The following NRIP3 variants were observed in gnomAD, a reference collection of about 807,000 sequenced individuals.
The protein encoded by NRIP3 is nuclear receptor interacting protein 3, also known as nuclear receptor-interacting protein 3.
NRIP3 carries 31 observed loss-of-function variants against 29.0 expected under a neutral mutation model. The ratio of observed to expected loss-of-function variants is 1.07; its 90% CI spans 0.80 to 1.44. NRIP3 has a LOEUF of 1.44. NRIP3 is among the 40% of genes most tolerant of loss of function. NRIP3 has a pLI of 0.00. For missense variants in NRIP3, 314 were observed against 297.9 expected (o/e 1.05, Z -0.40); for synonymous variants, 131 against 118.3 (o/e 1.11, Z -0.70).
At chr11:8,989,930 C>A (rs999253757) in intron 1 of NRIP3, among the ~76,000 whole-genome samples, 1 of 152,160 alleles carries the variant, frequency 6.6e-6, no homozygotes, top group Non-Finnish European at 1.5e-5. Flanking sequence ...CTAAACAAAG[C>A]CCTCTTACCT....
intron 3 of NRIP3, among the ~76,000 whole-genome samples, chr11:8,986,889 G>A (rs911854729): frequency 6.6e-5 from 10 of 152,134 alleles, no homozygotes; most frequent in African/African-American, 1.7e-4. Context: ...GCATAGTGGC[G>A]CACACGTAGT....
At chr11:8,998,571 G>A (rs1854746502) in intron 1 of NRIP3, among the ~76,000 whole-genome samples, 1 of 152,142 alleles carries the variant, frequency 6.6e-6, no homozygotes, top group South Asian at 2.1e-4. Context: ...TGGTAAAGGT[G>A]TAAATAGATG....
rs11449384 is a variant in NRIP3 at position 8,981,466 on chromosome 11, T to TAA, written c.*2077_*2078dup. 0.052 allele frequency: 5,929 copies of TAA among 114,748 alleles called. 217 individuals are homozygous for TAA. Among genetic ancestry groups the TAA allele is most frequent in the Admixed American group, 0.094 (1,004 of 10,632 alleles). 7.1% of individuals were successfully genotyped at this position (114,748 alleles called of 1,614,324 possible). On this transcript the variant is annotated 3_prime_UTR_variant, in exon 7 of 7. Transcript: ENST00000309166. ...CTGGGCAACAGAGTGAGACTCTGTC[T>TAA]AAAAAAAAAAAAAAAAAAAGAATAA...
intron 3 of NRIP3, among the ~76,000 whole-genome samples, chr11:8,987,186 A>T (rs188896949): frequency 7.8e-4 from 119 of 152,294 alleles, no homozygotes; most frequent in Admixed American, 1.3e-3. Context: ...ACTTTTACTC[A>T]TCTGGATGGA....
In NRIP3 at chr11:8,981,912, G is replaced by A. The variant is rs1304951386; in HGVS notation, c.*1633C>T. 1 of 152,194 alleles carries A rather than the reference G, an allele frequency of 6.6e-6. No homozygotes were observed. The highest frequency in any genetic ancestry group is 1.9e-4 in the East Asian group (1 of 5,196). The allele number at this position is 152,194 out of a possible 1,614,324, so 9.4% of individuals were successfully genotyped here. A position where few individuals can be genotyped will look rare whatever the true frequency, so the allele number is the denominator to read the frequency against. ...ATAGTCACCAAGTTCCTAGGCTTTA[G>A]GGAGCTTCTGTGAGGCCCAAATCAT... On this transcript the variant is annotated 3_prime_UTR_variant, in exon 7 of 7. Coordinates refer to ENST00000309166, the MANE Select transcript of NRIP3 (RefSeq NM_020645.3).
chr11:9,000,425 G>A (rs1255903870), intron 1 of NRIP3, among the ~76,000 whole-genome samples: 1 of 152,102 alleles, frequency 6.6e-6, no homozygotes, highest in Non-Finnish European at 1.5e-5. Context: ...ATTCTGTTCA[G>A]GTATTTTATG....
chr11:9,002,596 TAAAAAAAAAAA>T (rs10701323), intron 1 of NRIP3, among the ~76,000 whole-genome samples: 2 of 101,244 alleles, frequency 2.0e-5, no homozygotes, highest in Non-Finnish European at 3.6e-5. Context: ...GCTGTTAAAT[TAAAAAAAAAAA>T]AAAAAAAAAA....
At chr11:9,002,204 A>G (rs1358061327) in intron 1 of NRIP3, among the ~76,000 whole-genome samples, 2 of 152,194 alleles carry the variant, frequency 1.3e-5, no homozygotes, top group Admixed American at 1.3e-4. Context: ...CTCTTAATAT[A>G]ATACTTCCTT....
At chr11:8,987,767 C>A (rs974785525) in intron 2 of NRIP3, 137 bp from the exon 3 acceptor site, 7 of 711,580 alleles carry the variant, frequency 9.8e-6, no homozygotes, top group Non-Finnish European at 1.8e-5. Flanking sequence ...AGTGTCCCAT[C>A]TTTACCCACT....
intron 1 of NRIP3, among the ~76,000 whole-genome samples, chr11:9,000,559 C>A (rs1854775796): frequency 6.6e-6 from 1 of 152,112 alleles, no homozygotes; most frequent in Non-Finnish European, 1.5e-5. Context: ...AACTCTATTG[C>A]CAGACAAGTA....
intron 3 of NRIP3, among the ~76,000 whole-genome samples, chr11:8,986,272 G>A (rs1410021362): frequency 6.6e-6 from 1 of 152,150 alleles, no homozygotes; most frequent in Non-Finnish European, 1.5e-5. Flanking sequence ...TTTTCTCATT[G>A]TCCTTTCTAT....
chr11:9,001,924 T>C (rs1243770292), intron 1 of NRIP3, among the ~76,000 whole-genome samples: 6 of 152,240 alleles, frequency 3.9e-5, no homozygotes, highest in African/African-American at 1.4e-4. Context: ...CAGTCAACTG[T>C]CATGTGTATG....
At chr11:8,989,312 T>TTAAAATCCCTCAAAGGAGAGTGTTTAACC (rs1043944162) in intron 1 of NRIP3, among the ~76,000 whole-genome samples, 1 of 152,224 alleles carries the variant, frequency 6.6e-6, no homozygotes, top group African/African-American at 2.4e-5. Context: ...ACAATACCAT[T>TTAAAATCCCTCAAAGGAGAGTGTTTAACC]TAAAATCCCT....
chr11:9,002,053 C>T (rs1044494967), intron 1 of NRIP3, among the ~76,000 whole-genome samples: 4 of 152,112 alleles, frequency 2.6e-5, no homozygotes, highest in South Asian at 4.1e-4. Flanking sequence ...GTCAGAAAAG[C>T]GGATGGAATT....
intron 4 of NRIP3, among the ~76,000 whole-genome samples, chr11:8,984,367 A>G (rs1427754050): frequency 2.0e-5 from 3 of 151,830 alleles, no homozygotes; most frequent in African/African-American, 4.8e-5. Context: ...GGTTCAAGCA[A>G]TTCTCCTGCC....
chr11:9,003,877 G>A lies in NRIP3; in HGVS notation c.59C>T (p.Ala20Val). The stretch of plus-strand genomic sequence containing the variant: ...CCGGCGCTGCTGTCGCAGTGACGCC[G>A]CCTCCCGCATGTCGGTCTCCTTGCG... ...GGRKETDMRE[A>V]ASLRQQRRMK... Residue 20 changes from alanine to valine, a missense_variant, in exon 1 of 7, where the codon GCG (alanine) becomes GTG (valine). Transcript: ENST00000309166. 1.3e-6 allele frequency: 2 copies of A among 1,522,086 alleles called. No individual in the cohort carries two copies. Among genetic ancestry groups the A allele is most frequent in the African/African-American group, 1.4e-5 (1 of 69,700 alleles). 94.3% of individuals were successfully genotyped at this position (1,522,086 alleles called of 1,614,324 possible).
intron 1 of NRIP3, among the ~76,000 whole-genome samples, chr11:8,989,386 A>G (rs1854563790): frequency 6.6e-6 from 1 of 152,208 alleles, no homozygotes; most frequent in African/African-American, 2.4e-5. Context: ...TTTCTATCTA[A>G]CATATACCAG....
At chr11:8,985,453 C>G (rs7482838) in intron 4 of NRIP3, among the ~76,000 whole-genome samples, 82,928 of 151,358 alleles carry the variant, frequency 0.55, 22,933 homozygotes, top group South Asian at 0.74. Context: ...ACAGGCATGA[C>G]CCACCGCACC....
Position 8,985,861 on chromosome 11 carries a change from G to T in NRIP3, c.423-11C>A. On this transcript the variant is annotated splice_polypyrimidine_tract_variant and intron_variant, in intron 3 of 6. Transcript: ENST00000309166. The stretch of plus-strand genomic sequence containing the variant: ...ACATGCTCCTTGAGTCTGTACCAAA[G>T]AGGAAGATACCAAAATCCCCTTGAC... 1 of 1,613,560 alleles carries T rather than the reference G, an allele frequency of 6.2e-7. No individual in the cohort carries two copies. Among genetic ancestry groups the T allele is most frequent in the Non-Finnish European group, 8.5e-7 (1 of 1,179,738 alleles).
Sources: gnomAD v4.1 joint callset for allele counts (sites outside exome capture counted in the v4.1 genomes callset) on GRCh38, gnomAD v4.1.1 for gene constraint, MANE v1.5 for transcripts, NCBI Gene and HGNC (gene_info 2026-07-23, HGNC 2026-07-21) for gene names.